The following CSMD1 variants were observed in gnomAD, a reference collection of about 807,000 sequenced individuals.
CSMD1 encodes the protein CUB and Sushi multiple domains 1.
CSMD1 carries 213 observed loss-of-function variants against 417.5 expected under a neutral mutation model. The ratio of observed to expected loss-of-function variants is 0.51; its 90% CI spans 0.46 to 0.57. The LOEUF is 0.57. Among genes scored for constraint, CSMD1 ranks in the 20% least tolerant of loss-of-function variants. CSMD1 has a pLI of 0.00. For missense variants in CSMD1, 6,923 were observed against 4,529.7 expected (o/e 1.53, Z -15.17); for synonymous variants, 2,862 against 1,736.8 (o/e 1.65, Z -16.11).
At chr8:3,903,453 T>C (rs565884367) in intron 5 of CSMD1, among the ~76,000 whole-genome samples, 1 of 152,234 alleles carries the variant, frequency 6.6e-6, no homozygotes, top group South Asian at 2.1e-4. Context: ...TTATGTAAAA[T>C]ATTACTCTCA....
intron 1 of CSMD1, among the ~76,000 whole-genome samples, chr8:4,986,049 A>T (rs1339009107): frequency 2.6e-5 from 4 of 152,212 alleles, no homozygotes; most frequent in African/African-American, 7.2e-5. Context: ...GCTGTATTAT[A>T]CATCAAAGTA....
At chr8:4,791,824 C>T (rs1026884631) in intron 1 of CSMD1, among the ~76,000 whole-genome samples, 1 of 151,984 alleles carries the variant, frequency 6.6e-6, no homozygotes, top group Admixed American at 6.5e-5. Context: ...TGACACTGAC[C>T]TACAAAATTC....
intron 2 of CSMD1, among the ~76,000 whole-genome samples, chr8:4,472,959 C>A (rs1478009814): frequency 1.3e-5 from 2 of 151,728 alleles, no homozygotes; most frequent in Non-Finnish European, 1.5e-5. Flanking sequence ...AGTAACATTA[C>A]CTATTTATAT....
chr8:3,692,657 C>T (rs2449188), intron 7 of CSMD1, among the ~76,000 whole-genome samples: 144,237 of 152,170 alleles, frequency 0.95, 68,441 homozygotes, highest in East Asian at 1. Flanking sequence ...GGTCTCGAAC[C>T]CCTGACCTCA....
rs140982974 is a variant in CSMD1, at chr8:4,413,315, T to A, written c.415+6638A>T. On this transcript the variant is annotated intron_variant, in intron 3 of 69. Transcript: ENST00000635120. ...TCTCCTTGGGCTCTGTGCTTTTAAC[T>A]ACGCTCGTGGGGCTGCCCAAACCAA... Among the ~76,000 whole-genome samples, 473 of 152,296 alleles carry A rather than the reference T, an allele frequency of 3.1e-3. 2 individuals carry two copies. Among genetic ancestry groups the A allele is most frequent in the Admixed American group, 5.2e-3 (80 of 15,292 alleles).
chr8:3,825,106 T>C (rs949250792), intron 5 of CSMD1, among the ~76,000 whole-genome samples: 10 of 152,176 alleles, frequency 6.6e-5, no homozygotes, highest in Non-Finnish European at 1.0e-4. Flanking sequence ...CCAGGCATTT[T>C]CGAGGAAAAT....
chr8:3,805,075 T>C (rs750916042), intron 5 of CSMD1, among the ~76,000 whole-genome samples: 9 of 148,032 alleles, frequency 6.1e-5, no homozygotes, highest in Non-Finnish European at 1.2e-4. Context: ...AGAATTAGAA[T>C]AACAGATACT....
At chr8:4,332,675 C>A (rs1049381213) in intron 3 of CSMD1, among the ~76,000 whole-genome samples, 1 of 151,696 alleles carries the variant, frequency 6.6e-6, no homozygotes. Flanking sequence ...TGCTAGCTGG[C>A]ACCCCTGGGG....
intron 3 of CSMD1, among the ~76,000 whole-genome samples, chr8:4,368,462 A>G (rs1272944726): frequency 2.0e-5 from 3 of 152,160 alleles, no homozygotes; most frequent in African/African-American, 2.4e-5. Context: ...CAGGGTTTTA[A>G]TATCAGAATG....
At chr8:3,447,501 G>T (rs1035473141) in intron 12 of CSMD1, among the ~76,000 whole-genome samples, 1 of 152,198 alleles carries the variant, frequency 6.6e-6, no homozygotes, top group African/African-American at 2.4e-5. Flanking sequence ...AATGGGAAGT[G>T]CAGGCAGTGT....
intron 3 of CSMD1, among the ~76,000 whole-genome samples, chr8:4,185,931 G>A (rs988466491): frequency 6.6e-6 from 1 of 152,004 alleles, no homozygotes; most frequent in African/African-American, 2.4e-5. Context: ...TCATTTCCCT[G>A]CAATACTTTC....
intron 2 of CSMD1, among the ~76,000 whole-genome samples, chr8:4,452,679 TAA>T (rs896140641): frequency 6.6e-6 from 1 of 152,074 alleles, no homozygotes; most frequent in Non-Finnish European, 1.5e-5. Context: ...TCTCCAGAAA[TAA>T]AGTCTAAATC....
intron 8 of CSMD1, among the ~76,000 whole-genome samples, chr8:3,598,939 G>C (rs376808356): frequency 1.3e-5 from 2 of 151,974 alleles, no homozygotes; most frequent in Non-Finnish European, 2.9e-5. Context: ...AAATTAACTG[G>C]GCATGGTGGA....
At chr8:3,788,459 T>C (rs1014534634) in intron 5 of CSMD1, among the ~76,000 whole-genome samples, 1 of 152,084 alleles carries the variant, frequency 6.6e-6, no homozygotes, top group African/African-American at 2.4e-5. Context: ...GAGGCAGAAA[T>C]CAAAATAGAA....
intron 2 of CSMD1, among the ~76,000 whole-genome samples, chr8:4,555,606 T>TATC (rs1798054628): frequency 1.3e-5 from 2 of 152,212 alleles, no homozygotes; most frequent in Non-Finnish European, 2.9e-5. Context: ...CAGCAGCTTA[T>TATC]ATCTCTATGG....
intron 5 of CSMD1, among the ~76,000 whole-genome samples, chr8:3,927,762 C>G (rs1235467768): frequency 6.6e-6 from 1 of 152,056 alleles, no homozygotes; most frequent in Non-Finnish European, 1.5e-5. Flanking sequence ...TGCGTATAAG[C>G]AGAACACTAA....
intron 27 of CSMD1, among the ~76,000 whole-genome samples, chr8:3,226,498 G>T (rs901469141): frequency 3.3e-5 from 5 of 149,862 alleles, no homozygotes; most frequent in Non-Finnish European, 5.9e-5. Context: ...CAGGAGAATC[G>T]CTTGAACCTG....
intron 8 of CSMD1, among the ~76,000 whole-genome samples, chr8:3,614,319 C>A (rs112124802): frequency 1.3e-5 from 2 of 152,048 alleles, no homozygotes; most frequent in East Asian, 1.9e-4. Context: ...ACGGGCTATA[C>A]GTCTGCACAA....
chr8:3,968,136 G>T (rs757824963), intron 5 of CSMD1, among the ~76,000 whole-genome samples: 3 of 151,774 alleles, frequency 2.0e-5, no homozygotes, highest in Non-Finnish European at 4.4e-5. Flanking sequence ...GCAGTGAGCC[G>T]AGATCGACCC....
Sources: gnomAD v4.1 joint callset for allele counts (sites outside exome capture counted in the v4.1 genomes callset) on GRCh38, gnomAD v4.1.1 for gene constraint, MANE v1.5 for transcripts, NCBI Gene and HGNC (gene_info 2026-07-23, HGNC 2026-07-21) for gene names.